Variants in SLC67A1 observed in about 807,000 individuals in gnomAD.
The protein encoded by SLC67A1 is solute carrier family 67 member 1, also known as solute carrier family 67 member A1.
chr11:2,909,459 C>G, the SLC67A1 span: 76 of 1,437,876 alleles, frequency 5.3e-5, no homozygotes, highest in Non-Finnish European at 6.6e-5. Flanking sequence ...GGGGTCTGGC[C>G]CTAAGGGCTG....
the SLC67A1 span, chr11:2,916,437 C>T: frequency 2.0e-5 from 11 of 547,232 alleles, no homozygotes; most frequent in Admixed American, 2.7e-4. Flanking sequence ...CCCATTCCTT[C>T]ATCCATCACC....
At chr11:2,906,254 A>G in the SLC67A1 span, among the ~76,000 whole-genome samples, 1 of 152,184 alleles carries the variant, frequency 6.6e-6, no homozygotes, top group Non-Finnish European at 1.5e-5. Flanking sequence ...AAATAGGAAC[A>G]CTTTTACACT....
chr11:2,915,894 T>C, the SLC67A1 span, among the ~76,000 whole-genome samples: 1 of 152,222 alleles, frequency 6.6e-6, no homozygotes, highest in Non-Finnish European at 1.5e-5. Context: ...GACCTGCCGA[T>C]TCCTTCCAGG....
the SLC67A1 span, chr11:2,925,001 AC>A: frequency 2.5e-6 from 4 of 1,599,578 alleles, no homozygotes; most frequent in South Asian, 2.2e-5. This position sits in a 1 kb window ranked among gnomAD's most constrained non-coding sequence, Gnocchi z 6.5. Flanking sequence ...ACCCCCATGC[AC>A]CCCCCAGGGA....
chr11:2,919,689 C>T, the SLC67A1 span: 4 of 492,730 alleles, frequency 8.1e-6, no homozygotes, highest in Non-Finnish European at 1.5e-5. Flanking sequence ...GAGCAAGTCT[C>T]CCAAACTCTC....
the SLC67A1 span, among the ~76,000 whole-genome samples, chr11:2,914,390 G>C: frequency 6.6e-6 from 1 of 152,274 alleles, no homozygotes; most frequent in East Asian, 1.9e-4. Flanking sequence ...GGATGCCCAG[G>C]CTGTCCGGCG....
At chr11:2,915,731 C>T in the SLC67A1 span, among the ~76,000 whole-genome samples, 113 of 152,264 alleles carry the variant, frequency 7.4e-4, no homozygotes, top group African/African-American at 2.4e-3. Context: ...CGTGGCGGTC[C>T]GGCACAGGCC....
chr11:2,924,176 G>T, the SLC67A1 span, among the ~76,000 whole-genome samples: 3 of 152,256 alleles, frequency 2.0e-5, no homozygotes, highest in African/African-American at 7.2e-5. The surrounding 1 kb of genome is among the most constrained non-coding windows in gnomAD (Gnocchi z 8.6). Context: ...CATGCTGCGG[G>T]TAGCTGGCCA....
the SLC67A1 span, chr11:2,916,581 C>G: frequency 1.3e-6 from 2 of 1,521,024 alleles, no homozygotes; most frequent in South Asian, 2.3e-5. Context: ...CGCCTGGGCC[C>G]TGGGACCCGC....
the SLC67A1 span, chr11:2,919,262 T>C: frequency 0.91 from 1,308,377 of 1,437,616 alleles, 595,550 homozygotes; most frequent in Middle Eastern, 0.92. Flanking sequence ...GGCGCCAAGG[T>C]CGGGGTGTGG....
chr11:2,903,583 G>C, the SLC67A1 span: 3 of 1,418,104 alleles, frequency 2.1e-6, no homozygotes, highest in Non-Finnish European at 2.9e-6. Flanking sequence ...AGTGGGGGTG[G>C]GGGTTTCATG....
chr11:2,922,397 G>A, the SLC67A1 span: 3 of 1,600,918 alleles, frequency 1.9e-6, no homozygotes, highest in Non-Finnish European at 2.6e-6. Flanking sequence ...CTGGTCCCGT[G>A]AGGCCCCCAC....
the SLC67A1 span, chr11:2,909,537 C>G: frequency 6.7e-7 from 1 of 1,503,608 alleles, no homozygotes; most frequent in Non-Finnish European, 8.8e-7. Flanking sequence ...AGGGCCCCAC[C>G]GAGGGGCTTT....
the SLC67A1 span, among the ~76,000 whole-genome samples, chr11:2,901,355 C>G: frequency 6.6e-6 from 1 of 152,252 alleles, no homozygotes. Flanking sequence ...CTCGCCTCTG[C>G]GATGTCCGTC....
chr11:2,911,013 C>T, the SLC67A1 span, among the ~76,000 whole-genome samples: 2 of 152,076 alleles, frequency 1.3e-5, no homozygotes, highest in Non-Finnish European at 2.9e-5. Context: ...GGAGGGAGCA[C>T]GTCCTGGGAG....
At chr11:2,922,328 C>T in the SLC67A1 span, 1 of 1,531,982 alleles carries the variant, frequency 6.5e-7, no homozygotes, top group Non-Finnish European at 8.9e-7. Context: ...CCGGGGCCAG[C>T]TCTTCAGCAG....
At chr11:2,918,113 C>A in the SLC67A1 span, 30 of 1,593,078 alleles carry the variant, frequency 1.9e-5, no homozygotes, top group Non-Finnish European at 2.6e-5. Flanking sequence ...CCAACTACTG[C>A]CCCAACAGCG....
At chr11:2,904,552 T>G in the SLC67A1 span, among the ~76,000 whole-genome samples, 1 of 152,188 alleles carries the variant, frequency 6.6e-6, no homozygotes, top group African/African-American at 2.4e-5. Flanking sequence ...GAAGAGTGAA[T>G]GAGAAGTCAG....
the SLC67A1 span, among the ~76,000 whole-genome samples, chr11:2,912,554 A>G: frequency 6.6e-6 from 1 of 152,266 alleles, no homozygotes; most frequent in African/African-American, 2.4e-5. Flanking sequence ...TTCCTCTGGA[A>G]GGCCCCAGTC....
Sources: allele counts gnomAD v4.1 joint callset (sites outside exome capture counted in the v4.1 genomes callset), GRCh38; gene constraint gnomAD v4.1.1; non-coding constraint Gnocchi (gnomAD v3.1); transcripts MANE v1.5; gene names NCBI Gene and HGNC (gene_info 2026-07-23, HGNC 2026-07-21).